Variants in SCMH1 observed in about 807,000 individuals in gnomAD.
The protein encoded by SCMH1 is Scm polycomb group protein homolog 1, also known as polycomb protein SCMH1.
In SCMH1, 37 loss-of-function variants were observed where a neutral mutation model predicts 70.8. That is an observed-to-expected ratio of 0.52 (90% CI 0.40 to 0.69). The LOEUF is 0.69. Ranked by LOEUF, SCMH1 falls within the 30% of genes least tolerant of loss-of-function variation. The probability of loss-of-function intolerance (pLI) is 0.00; values close to 1 mark genes in which losing one functional copy is unlikely to be tolerated. For missense variants in SCMH1, 607 were observed against 827.3 expected (o/e 0.73, Z 3.27); for synonymous variants, 292 against 307.4 (o/e 0.95, Z 0.52).
At chr1:41,041,943 C>T (rs1345312455) in intron 12 of SCMH1, among the ~76,000 whole-genome samples, 4 of 152,142 alleles carry the variant, frequency 2.6e-5, no homozygotes, top group African/African-American at 9.7e-5. Flanking sequence ...ATACAATCTC[C>T]TGCTTAATAC....
chr1:41,081,653 CA>C (rs1660055688), intron 8 of SCMH1, among the ~76,000 whole-genome samples: 1 of 151,864 alleles, frequency 6.6e-6, no homozygotes. Flanking sequence ...CCAGTCTCTA[CA>C]AAAATTTTTT....
chr1:41,167,650 G>C (rs1253490613), intron 2 of SCMH1, among the ~76,000 whole-genome samples: 1 of 151,982 alleles, frequency 6.6e-6, no homozygotes, highest in African/African-American at 2.4e-5. Flanking sequence ...CCAATTTGTT[G>C]GCTTATAACT....
At chr1:41,045,605 C>T (rs905150503) in intron 12 of SCMH1, 3 of 152,322 alleles carry the variant, frequency 2.0e-5, no homozygotes, top group African/African-American at 4.8e-5. Context: ...CTCCCATCAA[C>T]AGACAGCACA....
At chr1:41,193,344 A>T (rs1012598517) in intron 1 of SCMH1, among the ~76,000 whole-genome samples, 3 of 152,222 alleles carry the variant, frequency 2.0e-5, no homozygotes, top group Non-Finnish European at 4.4e-5. Flanking sequence ...TAGTAGTAAC[A>T]TGTTAAAGAC....
chr1:41,187,239 G>T (rs190286216), intron 1 of SCMH1, among the ~76,000 whole-genome samples: 5 of 152,074 alleles, frequency 3.3e-5, no homozygotes, highest in African/African-American at 1.2e-4. Context: ...GAGGCTGACG[G>T]ATGCTTGAGG....
chr1:41,067,467 A>C (rs1485872049), intron 10 of SCMH1, among the ~76,000 whole-genome samples: 6 of 150,048 alleles, frequency 4.0e-5, no homozygotes, highest in East Asian at 2.0e-4. Context: ...ACAAAAAAAA[A>C]AAAAAAAAAA....
intron 13 of SCMH1, among the ~76,000 whole-genome samples, chr1:41,030,859 T>C (rs1333624439): frequency 6.6e-6 from 1 of 152,206 alleles, no homozygotes; most frequent in Non-Finnish European, 1.5e-5. Flanking sequence ...TGATCACAGA[T>C]AATAGTTACT....
chr1:41,219,844 T>A (rs1658880427), intron 1 of SCMH1, among the ~76,000 whole-genome samples: 1 of 151,690 alleles, frequency 6.6e-6, no homozygotes, highest in African/African-American at 2.4e-5. Flanking sequence ...GGCAGGAGAA[T>A]CTCTTGAACC....
At chr1:41,097,448 G>A (rs1247367174) in intron 8 of SCMH1, among the ~76,000 whole-genome samples, 1 of 152,150 alleles carries the variant, frequency 6.6e-6, no homozygotes, top group Non-Finnish European at 1.5e-5. Context: ...CAGAGAAACT[G>A]TCTCCCGAAT....
chr1:41,106,243 G>T (rs561247115), intron 8 of SCMH1, among the ~76,000 whole-genome samples: 3 of 151,764 alleles, frequency 2.0e-5, no homozygotes, highest in Non-Finnish European at 4.4e-5. Flanking sequence ...AAGCCCCAGC[G>T]TTGGAGGTGG....
At chr1:41,031,324 C>T (rs968318119) in intron 13 of SCMH1, among the ~76,000 whole-genome samples, 2 of 151,986 alleles carry the variant, frequency 1.3e-5, no homozygotes, top group East Asian at 3.8e-4. Context: ...CACCCCCCTC[C>T]CCCACCGCCA....
At chr1:41,153,865 C>G (rs1431718841) in intron 4 of SCMH1, among the ~76,000 whole-genome samples, 1 of 152,206 alleles carries the variant, frequency 6.6e-6, no homozygotes, top group African/African-American at 2.4e-5. Flanking sequence ...TCTGCCATAT[C>G]TCCAAGCACT....
chr1:41,063,500 G>A (rs1321999445), intron 10 of SCMH1, among the ~76,000 whole-genome samples: 1 of 151,618 alleles, frequency 6.6e-6, no homozygotes, highest in African/African-American at 2.4e-5. Flanking sequence ...AAAAAACAAT[G>A]AAACCAAAAG....
At chr1:41,214,779 C>T (rs1291780790) in intron 1 of SCMH1, among the ~76,000 whole-genome samples, 2 of 152,060 alleles carry the variant, frequency 1.3e-5, no homozygotes, top group Non-Finnish European at 2.9e-5. Context: ...GAGGGTCTGA[C>T]AGGGTGTCCA....
chr1:41,084,391 G>A (rs921364891), intron 8 of SCMH1, among the ~76,000 whole-genome samples: 16 of 152,232 alleles, frequency 1.1e-4, no homozygotes, highest in Middle Eastern at 6.8e-3. Context: ...CACCATCACT[G>A]GCCATCAGAG....
intron 10 of SCMH1, among the ~76,000 whole-genome samples, chr1:41,049,606 TAA>T (rs1396195689): frequency 7.2e-6 from 1 of 139,838 alleles, no homozygotes; most frequent in Non-Finnish European, 1.6e-5. Context: ...CCGTCTCTAT[TAA>T]AAAAAAAAAA....
chr1:41,186,283 G>C, intron 1 of SCMH1, 33 bp from the exon 2 acceptor site: 1 of 585,752 alleles, frequency 1.7e-6, no homozygotes, highest in Admixed American at 2.4e-5. Context: ...GGAAGGAGAA[G>C]AACATTTATT....
chr1:41,114,272 CT>C (rs1669910273), intron 7 of SCMH1, among the ~76,000 whole-genome samples: 1 of 152,144 alleles, frequency 6.6e-6, no homozygotes, highest in African/African-American at 2.4e-5. Flanking sequence ...ACATTGTATA[CT>C]TTCACCGGAA....
At chr1:41,122,021 CA>C (rs1672074861) in intron 6 of SCMH1, among the ~76,000 whole-genome samples, 1 of 152,194 alleles carries the variant, frequency 6.6e-6, no homozygotes, top group Admixed American at 6.5e-5. Context: ...AAGCCAGAGT[CA>C]AACTTTGCCT....
Sources: gnomAD v4.1 joint callset for allele counts (sites outside exome capture counted in the v4.1 genomes callset) on GRCh38, gnomAD v4.1.1 for gene constraint, MANE v1.5 for transcripts, NCBI Gene and HGNC (gene_info 2026-07-23, HGNC 2026-07-21) for gene names.